GBE1: variants seen among roughly 807,000 people sequenced by gnomAD.
GBE1 encodes the protein 1,4-alpha-glucan branching enzyme 1.
Under a neutral mutation model 88.8 loss-of-function variants are expected in GBE1, and 70 were observed. The ratio of observed to expected loss-of-function variants is 0.79; its 90% CI spans 0.65 to 0.96. The LOEUF (loss-of-function observed/expected upper bound fraction) is 0.96. Among genes scored for constraint, GBE1 ranks in the 40% least tolerant of loss-of-function variants. The pLI, the probability that GBE1 is intolerant of heterozygous loss-of-function variation, is 0.00. For synonymous variants in GBE1, 284 were observed against 300.1 expected, an observed-to-expected ratio of 0.95 and a Z score of 0.56; for missense variants, 872 against 871.0, an observed-to-expected ratio of 1.00 and a Z score of -0.01.
chr3:81,760,428 TTCCA>T (rs1350350578), intron 1 of GBE1, among the ~76,000 whole-genome samples: 1 of 152,224 alleles, frequency 6.6e-6, no homozygotes, highest in East Asian at 1.9e-4. Context: ...GTTGGATGTT[TTCCA>T]TCACTCGAAA....
chr3:81,724,052 A>C (rs1706074499), intron 1 of GBE1, among the ~76,000 whole-genome samples: 1 of 152,180 alleles, frequency 6.6e-6, no homozygotes. Flanking sequence ...ATCAACACCT[A>C]AACAATAATT....
intron 1 of GBE1, among the ~76,000 whole-genome samples, chr3:81,709,283 C>G (rs1246404487): frequency 6.6e-6 from 1 of 151,996 alleles, no homozygotes; most frequent in Non-Finnish European, 1.5e-5. Context: ...CATATGCAAA[C>G]TCTTTAAATC....
At chr3:81,748,340 G>A (rs1202844054) in intron 1 of GBE1, among the ~76,000 whole-genome samples, 4 of 152,014 alleles carry the variant, frequency 2.6e-5, no homozygotes, top group Non-Finnish European at 4.4e-5. Flanking sequence ...GGCCGGGTGC[G>A]GTGGCTCACG....
intron 14 of GBE1, among the ~76,000 whole-genome samples, chr3:81,531,344 T>C (rs1559635929): frequency 6.6e-6 from 1 of 151,686 alleles, no homozygotes; most frequent in Non-Finnish European, 1.5e-5. Flanking sequence ...GATCCCCAAG[T>C]TGCAAGATAA....
At chr3:81,555,433 G>A (rs1703334142) in intron 12 of GBE1, among the ~76,000 whole-genome samples, 1 of 152,112 alleles carries the variant, frequency 6.6e-6, no homozygotes, top group South Asian at 2.1e-4. Context: ...GACAGAAATA[G>A]TATAGCAAAG....
intron 2 of GBE1, among the ~76,000 whole-genome samples, chr3:81,681,181 C>A (rs991062335): frequency 9.2e-5 from 14 of 152,266 alleles, no homozygotes; most frequent in Admixed American, 2.0e-4. Context: ...ATTGTGAATG[C>A]CATATGGTCT....
At chr3:81,725,408 G>T (rs562881701) in intron 1 of GBE1, among the ~76,000 whole-genome samples, 1 of 151,954 alleles carries the variant, frequency 6.6e-6, no homozygotes, top group Non-Finnish European at 1.5e-5. Flanking sequence ...TGTCCCACTG[G>T]AAGGTCTTCA....
chr3:81,726,722 C>T (rs1706117433), intron 1 of GBE1, among the ~76,000 whole-genome samples: 1 of 151,816 alleles, frequency 6.6e-6, no homozygotes, highest in Admixed American at 6.6e-5. Flanking sequence ...GCTGGGACTA[C>T]AGGCATGCGC....
At chr3:81,536,748 A>C (rs941005710) in intron 13 of GBE1, among the ~76,000 whole-genome samples, 163 bp downstream of exon 13, 21 of 152,210 alleles carry the variant, frequency 1.4e-4, no homozygotes, top group African/African-American at 4.6e-4. Context: ...AATTGAAGAG[A>C]CTTCAGTGAC....
At chr3:81,609,211 A>C (rs1026018334) in intron 7 of GBE1, among the ~76,000 whole-genome samples, 2 of 152,154 alleles carry the variant, frequency 1.3e-5, no homozygotes, top group African/African-American at 4.8e-5. Flanking sequence ...CTGTTTTTCA[A>C]GTGCCTTTTA....
At chr3:81,657,155 A>C (rs1704953213) in intron 3 of GBE1, among the ~76,000 whole-genome samples, 2 of 149,164 alleles carry the variant, frequency 1.3e-5, no homozygotes, top group South Asian at 2.1e-4. Flanking sequence ...AAAACAAAAC[A>C]AAAAAAAACA....
intron 7 of GBE1, among the ~76,000 whole-genome samples, chr3:81,627,223 AG>A (rs1183738747): frequency 6.6e-6 from 1 of 152,206 alleles, no homozygotes; most frequent in Non-Finnish European, 1.5e-5. Context: ...TACTTGCTTA[AG>A]GAAGAGGATT....
At position 81,664,071 on chromosome 3, in the gene GBE1, A is replaced by AT. The variant is rs1363057834; in HGVS notation, c.429+6766dup. Among the ~76,000 whole-genome samples the AT allele has an allele frequency of 7.2e-5, 11 of 152,276 alleles. No homozygotes were observed. The South Asian group carries it at 2.3e-3, about 32-fold the overall frequency. On this transcript the variant is annotated intron_variant, in intron 3 of 15. Coordinates refer to ENST00000429644, the MANE Select transcript of GBE1 (RefSeq NM_000158.4). ...TTTCAAAATTCAAATTTTAAAATTT[A>AT]TTTTTTATAAGCAGAGTTTATTACA...
At chr3:81,553,540 G>A (rs1703304238) in intron 12 of GBE1, among the ~76,000 whole-genome samples, 1 of 149,418 alleles carries the variant, frequency 6.7e-6, no homozygotes, top group African/African-American at 2.5e-5. Flanking sequence ...AGTCAATGAT[G>A]TCTGCTTCCA....
chr3:81,758,149 T>C (rs1267777914), intron 1 of GBE1, among the ~76,000 whole-genome samples: 1 of 152,224 alleles, frequency 6.6e-6, no homozygotes. Context: ...ATGCCATATA[T>C]GCTCAAGCCC....
intron 3 of GBE1, among the ~76,000 whole-genome samples, chr3:81,653,020 T>C (rs540363537): frequency 1.7e-4 from 26 of 152,316 alleles, no homozygotes; most frequent in Admixed American, 1.7e-3. Flanking sequence ...ACTGGCTTGA[T>C]TGATCTTTCA....
intron 2 of GBE1, among the ~76,000 whole-genome samples, chr3:81,702,488 G>A (rs1705714030): frequency 6.6e-6 from 1 of 151,888 alleles, no homozygotes; most frequent in South Asian, 2.1e-4. Flanking sequence ...CCAATATACT[G>A]CCTGTCCTTA....
At chr3:81,535,050 C>G (rs1703056424) in intron 14 of GBE1, 145 bp downstream of exon 14, 3 of 733,642 alleles carry the variant, frequency 4.1e-6, no homozygotes, top group Non-Finnish European at 6.5e-6. Context: ...TATCCATCAA[C>G]TATTTTAAGT....
At chr3:81,682,965 A>G (rs1340242782) in intron 2 of GBE1, among the ~76,000 whole-genome samples, 1 of 152,218 alleles carries the variant, frequency 6.6e-6, no homozygotes, top group Non-Finnish European at 1.5e-5. Flanking sequence ...CCTTGTACAC[A>G]TGCTAAGTGA....
Sources: gnomAD v4.1 joint callset for allele counts (sites outside exome capture counted in the v4.1 genomes callset) on GRCh38, gnomAD v4.1.1 for gene constraint, MANE v1.5 for transcripts, NCBI Gene and HGNC (gene_info 2026-07-23, HGNC 2026-07-21) for gene names.